Variants in C4BPA observed in about 807,000 individuals in gnomAD.
C4BPA encodes the protein C4b-binding protein alpha chain.
Under a neutral mutation model 63.7 loss-of-function variants are expected in C4BPA, and 31 were observed. That is an observed-to-expected ratio of 0.49 (90% CI 0.37 to 0.66). The LOEUF (loss-of-function observed/expected upper bound fraction) is 0.66. Among genes scored for constraint, C4BPA ranks in the 30% least tolerant of loss-of-function variants. The probability of loss-of-function intolerance (pLI) is 0.00; values close to 1 mark genes in which losing one functional copy is unlikely to be tolerated. For missense variants in C4BPA, 572 were observed against 723.3 expected, an observed-to-expected ratio of 0.79 and a Z score of 2.40; for synonymous variants, 259 against 254.7, an observed-to-expected ratio of 1.02 and a Z score of -0.16.
intron 10 of C4BPA, 59 bp downstream of exon 10, chr1:207,141,335 T>C (rs1029089547): frequency 2.2e-6 from 3 of 1,362,026 alleles, no homozygotes; most frequent in East Asian, 2.3e-5. Context: ...CTGAGAGCAC[T>C]GAGAGCTAAG....
chr1:207,115,311 G>C, intron 3 of C4BPA, 105 bp from the exon 4 acceptor site: 1 of 624,982 alleles, frequency 1.6e-6, no homozygotes, highest in Non-Finnish European at 2.8e-6. Context: ...AAATCTCTCT[G>C]TGTTTCTGGA....
chr1:207,139,311 T>G (rs1685359232), intron 9 of C4BPA, among the ~76,000 whole-genome samples: 3 of 152,188 alleles, frequency 2.0e-5, no homozygotes, highest in Admixed American at 2.0e-4. Context: ...CCTTCTAATT[T>G]TTGTAGTAGA....
At chr1:207,132,987 T>G (rs1685193910) in intron 8 of C4BPA, among the ~76,000 whole-genome samples, 4 of 152,234 alleles carry the variant, frequency 2.6e-5, no homozygotes, top group Admixed American at 2.6e-4. Flanking sequence ...ATCATGCCAC[T>G]GCATTCCAGC....
chr1:207,134,623 G>T, intron 9 of C4BPA, 31 bp downstream of exon 9: 12 of 1,504,226 alleles, frequency 8.0e-6, no homozygotes, highest in Non-Finnish European at 1.1e-5. Context: ...CTTATTCTGG[G>T]AGTTTCTTCA....
In C4BPA at chr1:207,107,812, T is replaced by TAA. The variant is rs111525162; in HGVS notation, c.-26+3384_-26+3385dup. ...TGAGGGGAAGGGAATTATAGGAACC[T>TAA]AAACCTGGACTATGGAAGTGGAGTG... On this transcript the variant is annotated intron_variant, in intron 1 of 11. Coordinates refer to ENST00000367070, the MANE Select transcript of C4BPA (RefSeq NM_000715.4). Among the ~76,000 whole-genome samples, 872 of 152,294 alleles carry TAA rather than the reference T, an allele frequency of 5.7e-3. 8 individuals carry two copies. The highest frequency in any genetic ancestry group is 0.019 in the African/African-American group (793 of 41,542).
chr1:207,131,417 T>A, intron 7 of C4BPA, 129 bp from the exon 8 acceptor site: 2 of 631,720 alleles, frequency 3.2e-6, no homozygotes, highest in Non-Finnish European at 2.8e-6. Flanking sequence ...GGTTGATACA[T>A]CAGGCCTTGC....
chr1:207,106,515 C>G (rs1261838408), intron 1 of C4BPA, among the ~76,000 whole-genome samples: 4 of 149,276 alleles, frequency 2.7e-5, no homozygotes, highest in Non-Finnish European at 5.9e-5. Flanking sequence ...TCTCTGCTCA[C>G]TGCAAGCTCC....
chr1:207,142,080 C>G (rs2102367829), intron 10 of C4BPA, among the ~76,000 whole-genome samples: 1 of 150,508 alleles, frequency 6.6e-6, no homozygotes, highest in Admixed American at 6.6e-5. Flanking sequence ...GCCCCCCACC[C>G]CCCGACAGGC....
chr1:207,126,027 T>C (rs1309926011), intron 6 of C4BPA, among the ~76,000 whole-genome samples: 2 of 151,906 alleles, frequency 1.3e-5, no homozygotes, highest in African/African-American at 4.8e-5. Context: ...GTAATTACCA[T>C]GGGCCACGGA....
At chr1:207,126,232 A>G (rs530929622) in intron 6 of C4BPA, among the ~76,000 whole-genome samples, 38 of 149,166 alleles carry the variant, frequency 2.5e-4, no homozygotes, top group African/African-American at 9.0e-4. Context: ...TATTTTATAT[A>G]TATACACACA....
chr1:207,105,662 G>C (rs1684545819), intron 1 of C4BPA, among the ~76,000 whole-genome samples: 1 of 152,054 alleles, frequency 6.6e-6, no homozygotes, highest in Admixed American at 6.6e-5. Context: ...GAGAGCCCAG[G>C]TATAAGGAAG....
intron 9 of C4BPA, among the ~76,000 whole-genome samples, chr1:207,135,286 C>T (rs1303715682): frequency 2.0e-5 from 3 of 151,972 alleles, no homozygotes; most frequent in Non-Finnish European, 4.4e-5. Context: ...TGCAGTGAGC[C>T]GAGATCACGC....
At chr1:207,129,798 T>G (rs774550339) in intron 7 of C4BPA, among the ~76,000 whole-genome samples, 2 of 152,202 alleles carry the variant, frequency 1.3e-5, no homozygotes, top group Non-Finnish European at 2.9e-5. Flanking sequence ...ATGTTTCATG[T>G]CTTTTATAGT....
chr1:207,144,144 G>A (rs1397214984), intron 11 of C4BPA, 151 bp downstream of exon 11: 1 of 614,204 alleles, frequency 1.6e-6, no homozygotes, highest in Non-Finnish European at 2.7e-6. Context: ...TTTTTGTCTT[G>A]AAGCATTCTG....
chr1:207,142,261 G>A (rs1386769511), intron 10 of C4BPA, among the ~76,000 whole-genome samples: 1 of 151,924 alleles, frequency 6.6e-6, no homozygotes, highest in Non-Finnish European at 1.5e-5. Context: ...ATTCTTTTTT[G>A]TGGCTGCATA....
intron 1 of C4BPA, among the ~76,000 whole-genome samples, chr1:207,108,633 A>C (rs1210786303): frequency 6.6e-6 from 1 of 152,226 alleles, no homozygotes; most frequent in Middle Eastern, 3.2e-3. Flanking sequence ...AGACAGAATA[A>C]AATAATTATT....
chr1:207,105,538 CA>C (rs1684540658), intron 1 of C4BPA, among the ~76,000 whole-genome samples: 1 of 91,514 alleles, frequency 1.1e-5, no homozygotes, highest in African/African-American at 4.5e-5. Context: ...GTCTGGGCAA[CA>C]AGAGTGAAAC....
rs1301646700 is a variant in C4BPA, at chr1:207,112,988, G to T, written c.-25-13G>T. The T allele has an allele frequency of 6.5e-7, 1 of 1,549,476 alleles. No homozygotes were observed. On this transcript the variant is annotated splice_polypyrimidine_tract_variant and intron_variant, in intron 1 of 11. Coordinates refer to ENST00000367070, the MANE Select transcript of C4BPA (RefSeq NM_000715.4). ...ATTCAATGACTATTTATTAAATTGA[G>T]TTCTTTCAGCAGAAAAACATCAGCG... is the stretch of plus-strand genomic sequence containing the variant.
intron 1 of C4BPA, among the ~76,000 whole-genome samples, chr1:207,112,383 CT>C (rs1684687638): frequency 1.8e-5 from 2 of 108,188 alleles, no homozygotes. Context: ...TTGTACCTTT[CT>C]TTTAAGTCCT....
Sources: gnomAD v4.1 joint callset for allele counts (sites outside exome capture counted in the v4.1 genomes callset) on GRCh38, gnomAD v4.1.1 for gene constraint, MANE v1.5 for transcripts, NCBI Gene and HGNC (gene_info 2026-07-23, HGNC 2026-07-21) for gene names.